Variants in UNC5D observed in about 807,000 individuals in gnomAD.
UNC5D encodes the protein unc-5 netrin receptor D.
In UNC5D, 39 loss-of-function variants were observed where a neutral mutation model predicts 105.4. The observed-to-expected ratio is 0.37, with a 90% CI of 0.29 to 0.48. The LOEUF (loss-of-function observed/expected upper bound fraction) is 0.48. Among genes scored for constraint, UNC5D ranks in the 20% least tolerant of loss-of-function variants. The probability of loss-of-function intolerance (pLI) is 0.98; values close to 1 mark genes in which losing one functional copy is unlikely to be tolerated. For synonymous variants in UNC5D, 452 were observed against 450.4 expected (o/e 1.00, Z -0.04); for missense variants, 991 against 1,202.4 (o/e 0.82, Z 2.60).
chr8:35,316,764 A>G (rs1809334896), intron 1 of UNC5D, among the ~76,000 whole-genome samples: 1 of 152,144 alleles, frequency 6.6e-6, no homozygotes, highest in Non-Finnish European at 1.5e-5. Context: ...GTGATGAGTA[A>G]TTAAAGTCAC....
intron 1 of UNC5D, among the ~76,000 whole-genome samples, chr8:35,476,641 T>C (rs1300849342): frequency 6.6e-6 from 1 of 152,158 alleles, no homozygotes; most frequent in Non-Finnish European, 1.5e-5. Flanking sequence ...ATTTCAGAGC[T>C]AAGTTTTCCT....
At chr8:35,336,633 G>T (rs1230572844) in intron 1 of UNC5D, among the ~76,000 whole-genome samples, 1 of 152,076 alleles carries the variant, frequency 6.6e-6, no homozygotes, top group Non-Finnish European at 1.5e-5. Context: ...GAGCTGAGCT[G>T]CTCCCTCCCT....
In UNC5D at chr8:35,324,955, G is replaced by GT. The variant is rs1810037187; in HGVS notation, c.103+89069dup. Among the ~76,000 whole-genome samples, 3 of 152,270 alleles carry GT rather than the reference G, an allele frequency of 2.0e-5. No individual in the cohort carries two copies. The South Asian group carries it at 6.2e-4, about 32-fold the overall frequency. On this transcript the variant is annotated intron_variant, in intron 1 of 16. Transcript: ENST00000404895. ...GCAACATTGGTGTGTGCCAGGAATG[G>GT]TGCTGAATGATATCACTCAGCACAA... is the stretch of plus-strand genomic sequence containing the variant.
At chr8:35,485,034 T>C (rs1164953850) in intron 1 of UNC5D, among the ~76,000 whole-genome samples, 2 of 152,192 alleles carry the variant, frequency 1.3e-5, no homozygotes, top group Non-Finnish European at 2.9e-5. Flanking sequence ...GAGGCAGAGA[T>C]GTATGGTAGC....
chr8:35,246,359 T>A (rs1803097890), intron 1 of UNC5D, among the ~76,000 whole-genome samples: 1 of 152,166 alleles, frequency 6.6e-6, no homozygotes, highest in African/African-American at 2.4e-5. Context: ...ACGTTGGTAA[T>A]CCTTGGCTTA....
At chr8:35,715,610 A>G (rs890921464) in intron 8 of UNC5D, among the ~76,000 whole-genome samples, 3 of 152,198 alleles carry the variant, frequency 2.0e-5, no homozygotes, top group Non-Finnish European at 4.4e-5. Context: ...AAAAGGCGGC[A>G]TGTTTGAGAA....
At chr8:35,370,434 A>T (rs535278229) in intron 1 of UNC5D, among the ~76,000 whole-genome samples, 1 of 152,352 alleles carries the variant, frequency 6.6e-6, no homozygotes, top group Non-Finnish European at 1.5e-5. Context: ...TTTGAAATGT[A>T]TAAAGCCTTG....
intron 1 of UNC5D, among the ~76,000 whole-genome samples, chr8:35,436,712 A>C (rs976510277): frequency 5.3e-5 from 8 of 152,172 alleles, no homozygotes; most frequent in Non-Finnish European, 1.2e-4. Context: ...GGAAGACAAA[A>C]ATTTTTTATA....
chr8:35,563,064 C>T (rs968853897), intron 2 of UNC5D, among the ~76,000 whole-genome samples: 27 of 151,802 alleles, frequency 1.8e-4, no homozygotes, highest in African/African-American at 5.6e-4. Flanking sequence ...ACTATCCTTT[C>T]GTCAGAGTTC....
intron 8 of UNC5D, among the ~76,000 whole-genome samples, chr8:35,717,580 G>A (rs1434334907): frequency 6.6e-6 from 1 of 152,116 alleles, no homozygotes; most frequent in Non-Finnish European, 1.5e-5. Flanking sequence ...TAAAATAACT[G>A]GAGAGTACTG....
chr8:35,355,614 C>T (rs531991729), intron 1 of UNC5D, among the ~76,000 whole-genome samples: 121 of 152,058 alleles, frequency 8.0e-4, no homozygotes, highest in Middle Eastern at 3.2e-3. Context: ...GTGTTATTTC[C>T]AATTCTTTGG....
intron 4 of UNC5D, among the ~76,000 whole-genome samples, chr8:35,654,547 C>T (rs1295688161): frequency 1.3e-5 from 2 of 152,160 alleles, no homozygotes; most frequent in Non-Finnish European, 2.9e-5. Flanking sequence ...CTCACTCACC[C>T]AGATCACTCC....
chr8:35,343,076 T>C (rs1417372557), intron 1 of UNC5D, among the ~76,000 whole-genome samples: 1 of 152,102 alleles, frequency 6.6e-6, no homozygotes, highest in Non-Finnish European at 1.5e-5. Flanking sequence ...GGATGAGCCC[T>C]AAGGATCTGT....
At chr8:35,654,090 C>A (rs1462650263) in intron 4 of UNC5D, among the ~76,000 whole-genome samples, 1 of 152,090 alleles carries the variant, frequency 6.6e-6, no homozygotes, top group African/African-American at 2.4e-5. Flanking sequence ...TATCTGATAA[C>A]CACTTAAATT....
intron 15 of UNC5D, among the ~76,000 whole-genome samples, chr8:35,772,240 A>C (rs1003839451): frequency 1.1e-4 from 17 of 152,144 alleles, no homozygotes; most frequent in Admixed American, 1.1e-3. Context: ...CTCTTCTGAG[A>C]TATCCTTTTG....
intron 1 of UNC5D, among the ~76,000 whole-genome samples, chr8:35,538,035 G>T (rs1294591818): frequency 6.6e-6 from 1 of 151,976 alleles, no homozygotes; most frequent in Non-Finnish European, 1.5e-5. Context: ...ATGAATAGTT[G>T]GGCATTGGTA....
At chr8:35,360,642 G>C (rs1801805539) in intron 1 of UNC5D, among the ~76,000 whole-genome samples, 1 of 152,146 alleles carries the variant, frequency 6.6e-6, no homozygotes, top group African/African-American at 2.4e-5. Flanking sequence ...AACTACAGCT[G>C]TGTTGTAAGT....
chr8:35,612,875 C>T (rs1820784191), intron 4 of UNC5D, among the ~76,000 whole-genome samples: 1 of 152,002 alleles, frequency 6.6e-6, no homozygotes, highest in Non-Finnish European at 1.5e-5. Flanking sequence ...TTAAGTTTCA[C>T]TTACCTAAGA....
At chr8:35,420,364 T>C (rs1805815094) in intron 1 of UNC5D, among the ~76,000 whole-genome samples, 1 of 152,166 alleles carries the variant, frequency 6.6e-6, no homozygotes, top group Non-Finnish European at 1.5e-5. Context: ...AAACTTCTCA[T>C]TAGAATCAAT....
Sources: allele counts gnomAD v4.1 joint callset (sites outside exome capture counted in the v4.1 genomes callset), GRCh38; gene constraint gnomAD v4.1.1; transcripts MANE v1.5; gene names NCBI Gene and HGNC (gene_info 2026-07-23, HGNC 2026-07-21).